The following BCL2 variants were observed in gnomAD, a reference collection of about 807,000 sequenced individuals.
The protein encoded by BCL2 is BCL2 apoptosis regulator.
In BCL2, 1 loss-of-function variant was observed where a neutral mutation model predicts 14.2. The ratio of observed to expected loss-of-function variants is 0.07; its 90% CI spans 0.02 to 0.33. The LOEUF (loss-of-function observed/expected upper bound fraction) is 0.33, where lower values mean the gene tolerates loss of function less well. Among genes scored for constraint, BCL2 ranks in the 10% least tolerant of loss-of-function variants. The probability of loss-of-function intolerance (pLI) is 0.99; values close to 1 mark genes in which losing one functional copy is unlikely to be tolerated. For synonymous variants in BCL2, 151 were observed against 137.2 expected (o/e 1.10, Z -0.70); for missense variants, 247 against 305.9 (o/e 0.81, Z 1.44).
intron 2 of BCL2, among the ~76,000 whole-genome samples, chr18:63,234,136 G>A (rs924361303): frequency 6.6e-6 from 1 of 152,098 alleles, no homozygotes; most frequent in Admixed American, 6.5e-5. Context: ...GTGCAGGTTA[G>A]TTACATAGGT....
intron 2 of BCL2, among the ~76,000 whole-genome samples, chr18:63,234,058 C>T (rs906503851): frequency 2.0e-5 from 3 of 151,946 alleles, no homozygotes; most frequent in African/African-American, 7.3e-5. Context: ...CACATTTCCC[C>T]AACATTTTCT....
intron 2 of BCL2, among the ~76,000 whole-genome samples, chr18:63,142,947 C>A (rs1043009575): frequency 6.6e-6 from 1 of 152,186 alleles, no homozygotes; most frequent in African/African-American, 2.4e-5. Context: ...GGGAAGACAG[C>A]AGACCTCTCT....
chr18:63,164,318 T>C (rs554475771), intron 2 of BCL2, among the ~76,000 whole-genome samples: 13 of 152,304 alleles, frequency 8.5e-5, no homozygotes, highest in Non-Finnish European at 1.3e-4. Context: ...ATAAACTCAA[T>C]ACAACTCAAA....
At chr18:63,268,533 G>A (rs1048565907) in intron 2 of BCL2, among the ~76,000 whole-genome samples, 4 of 152,180 alleles carry the variant, frequency 2.6e-5, no homozygotes, top group African/African-American at 9.7e-5. Context: ...TTATAAAATT[G>A]AGACGAACTG....
intron 2 of BCL2, among the ~76,000 whole-genome samples, chr18:63,190,078 G>A (rs548161948): frequency 8.7e-4 from 133 of 152,142 alleles, no homozygotes; most frequent in Admixed American, 1.3e-3. Context: ...CCTGATCTTG[G>A]CATCATAAAT....
chr18:63,123,612 C>A lies in BCL2; in HGVS notation c.*5013G>T. 4.8e-6 allele frequency: 1 copy of A among 209,678 alleles called. No homozygotes were observed. Among genetic ancestry groups the A allele is most frequent in the East Asian group, 7.2e-5 (1 of 13,880 alleles). The allele number at this position is 209,678 out of a possible 1,614,324, so 13.0% of individuals were successfully genotyped here. A position where few individuals can be genotyped will look rare whatever the true frequency, so the allele number is the denominator to read the frequency against. ...GGTAAAAGTATGAAAATCTTGATAACAAAAGCTTTCAATACAAAAACACTT... is the reference window on the plus strand; with the variant it reads ...GGTAAAAGTATGAAAATCTTGATAAAAAAAGCTTTCAATACAAAAACACTT... On this transcript the variant is annotated 3_prime_UTR_variant, in exon 3 of 3. Transcript: ENST00000333681.
Position 63,126,287 on chromosome 18 carries a change from A to G in BCL2, c.*2338T>C, listed in dbSNP as rs1466677003. On this transcript the variant is annotated 3_prime_UTR_variant, in exon 3 of 3. Transcript: ENST00000333681. ...GTAAGCACCACTGCATTTCAGGAAG[A>G]CCCTGAAGGACAGCCATGAGAAAGC... is the stretch of plus-strand genomic sequence containing the variant. The G allele has an allele frequency of 1.8e-5, 4 of 221,300 alleles. No homozygotes were observed. Among genetic ancestry groups the G allele is most frequent in the Non-Finnish European group, 3.6e-5 (4 of 110,162 alleles). The allele number at this position is 221,300 out of a possible 1,614,324, so 13.7% of individuals were successfully genotyped here. A position where few individuals can be genotyped will look rare whatever the true frequency, so the allele number is the denominator to read the frequency against.
At chr18:63,207,076 G>A (rs904055042) in intron 2 of BCL2, among the ~76,000 whole-genome samples, 1 of 152,196 alleles carries the variant, frequency 6.6e-6, no homozygotes, top group Non-Finnish European at 1.5e-5. Flanking sequence ...CACCTCAGAT[G>A]AGGAAATAGG....
In BCL2 at chr18:63,193,623, CACAT is replaced by C. The variant is rs765133733; in HGVS notation, c.586-64868_586-64865del. 2.6e-3 allele frequency among the ~76,000 whole-genome samples: 385 copies of C among 150,054 alleles called. 1 individual carries two copies. Among genetic ancestry groups the C allele is most frequent in the African/African-American group, 4.0e-3 (165 of 40,814 alleles). On this transcript the variant is annotated intron_variant, in intron 2 of 2. Coordinates refer to ENST00000333681, the MANE Select transcript of BCL2 (RefSeq NM_000633.3). The stretch of plus-strand genomic sequence containing the variant: ...GTGTGTGTGTGTGTATACACACACA[CACAT>C]ACAAATACACACACACATATATATA...
At chr18:63,193,582 ATGTGTGTG>A (rs201003163) in intron 2 of BCL2, among the ~76,000 whole-genome samples, 57 of 139,422 alleles carry the variant, frequency 4.1e-4, no homozygotes, top group African/African-American at 1.2e-3. Context: ...AGTAGTATGT[ATGTGTGTG>A]TGTGTGTGTG....
intron 2 of BCL2, among the ~76,000 whole-genome samples, chr18:63,248,349 A>G (rs770908429): frequency 1.3e-5 from 2 of 152,252 alleles, no homozygotes; most frequent in African/African-American, 2.4e-5. Context: ...GGTTCTGCCA[A>G]CATTGAGATG....
At chr18:63,207,056 T>C (rs1416520446) in intron 2 of BCL2, among the ~76,000 whole-genome samples, 1 of 151,932 alleles carries the variant, frequency 6.6e-6, no homozygotes, top group African/African-American at 2.4e-5. Flanking sequence ...CAAGAGGAGA[T>C]TTCATGCTTC....
At chr18:63,169,096 C>T (rs1915119389) in intron 2 of BCL2, among the ~76,000 whole-genome samples, 1 of 152,200 alleles carries the variant, frequency 6.6e-6, no homozygotes, top group African/African-American at 2.4e-5. Flanking sequence ...ACATGGGCTT[C>T]CCAGCACTAC....
At chr18:63,161,142 T>C (rs1171600497) in intron 2 of BCL2, among the ~76,000 whole-genome samples, 1 of 152,176 alleles carries the variant, frequency 6.6e-6, no homozygotes, top group Non-Finnish European at 1.5e-5. Context: ...CTTTCAACCC[T>C]TGAAAAGGTC....
At chr18:63,168,800 G>A (rs368824227) in intron 2 of BCL2, among the ~76,000 whole-genome samples, 2 of 152,158 alleles carry the variant, frequency 1.3e-5, no homozygotes, top group Non-Finnish European at 2.9e-5. Flanking sequence ...CTTTTTAGGC[G>A]GTCTGCATGT....
At chr18:63,300,665 C>T (rs748790341) in intron 2 of BCL2, among the ~76,000 whole-genome samples, 1 of 152,168 alleles carries the variant, frequency 6.6e-6, no homozygotes, top group Non-Finnish European at 1.5e-5. Context: ...CTCTTTGACT[C>T]TTCCTACAGA....
At chr18:63,253,588 T>C (rs1339607396) in intron 2 of BCL2, among the ~76,000 whole-genome samples, 1 of 152,192 alleles carries the variant, frequency 6.6e-6, no homozygotes, top group Non-Finnish European at 1.5e-5. Flanking sequence ...CCGTTTACAG[T>C]ATAAATTTGG....
chr18:63,247,380 T>G (rs1568245881), intron 2 of BCL2, among the ~76,000 whole-genome samples: 1 of 151,532 alleles, frequency 6.6e-6, no homozygotes, highest in African/African-American at 2.4e-5. Context: ...GTATTTTTAG[T>G]AGAGATGGGG....
intron 2 of BCL2, among the ~76,000 whole-genome samples, chr18:63,278,245 C>A (rs1418197685): frequency 1.3e-5 from 2 of 152,020 alleles, no homozygotes; most frequent in African/African-American, 2.4e-5. Context: ...CTAAAAGTCA[C>A]CTGGAAGCCC....
Sources: allele counts gnomAD v4.1 joint callset (sites outside exome capture counted in the v4.1 genomes callset), GRCh38; gene constraint gnomAD v4.1.1; transcripts MANE v1.5; gene names NCBI Gene and HGNC (gene_info 2026-07-23, HGNC 2026-07-21).